The following AUTS2 variants were observed in gnomAD, a reference collection of about 807,000 sequenced individuals.
AUTS2 encodes the protein autism susceptibility gene 2 protein.
A neutral mutation model predicts 112.4 loss-of-function variants in AUTS2; 17 were observed. That is an observed-to-expected ratio of 0.15 (90% CI 0.10 to 0.23). The LOEUF is 0.23. Ranked by LOEUF, AUTS2 falls within the 10% of genes least tolerant of loss-of-function variation. AUTS2 has a pLI of 1.00. For synonymous variants in AUTS2, 751 were observed against 702.7 expected, an observed-to-expected ratio of 1.07 and a Z score of -1.09; for missense variants, 1,510 against 1,701.6, an observed-to-expected ratio of 0.89 and a Z score of 1.98.
chr7:70,117,137 GTT>G (rs541747935), intron 2 of AUTS2, among the ~76,000 whole-genome samples: 9 of 61,994 alleles, frequency 1.5e-4, no homozygotes, highest in African/African-American at 5.2e-4. Context: ...GTTTTTTTTT[GTT>G]TTTTTTTTTG....
intron 6 of AUTS2, among the ~76,000 whole-genome samples, chr7:70,718,437 C>T (rs1164065806): frequency 1.3e-5 from 2 of 152,222 alleles, no homozygotes; most frequent in South Asian, 2.1e-4. Flanking sequence ...CTGGGGCGGG[C>T]GGATCACTTG....
intron 4 of AUTS2, among the ~76,000 whole-genome samples, chr7:70,174,896 A>T (rs1371373281): frequency 6.6e-6 from 1 of 152,218 alleles, no homozygotes; most frequent in Admixed American, 6.5e-5. Context: ...TGTTGTTTTC[A>T]TGCCTGGTGA....
At chr7:69,922,300 G>A (rs528561642) in intron 2 of AUTS2, among the ~76,000 whole-genome samples, 6 of 152,250 alleles carry the variant, frequency 3.9e-5, no homozygotes, top group African/African-American at 1.4e-4. Context: ...GTTTATTGGG[G>A]CAATAAACTG....
intron 4 of AUTS2, among the ~76,000 whole-genome samples, chr7:70,302,372 T>A (rs12698892): frequency 0.19 from 29,449 of 151,804 alleles, 2,850 homozygotes; most frequent in Middle Eastern, 0.3. Flanking sequence ...GCCACTGCAC[T>A]TCTGCCTAGG....
At chr7:69,687,892 T>C (rs181707422) in intron 1 of AUTS2, among the ~76,000 whole-genome samples, 6 of 152,294 alleles carry the variant, frequency 3.9e-5, no homozygotes, top group Admixed American at 3.9e-4. Flanking sequence ...CTTTCTTCCC[T>C]CTCTGAAAAC....
intron 2 of AUTS2, among the ~76,000 whole-genome samples, chr7:70,013,768 A>G (rs1490534245): frequency 1.3e-5 from 2 of 152,134 alleles, no homozygotes; most frequent in African/African-American, 4.8e-5. Context: ...ACCAGGCTGG[A>G]GTGCAGTGGC....
At chr7:70,117,515 A>G (rs1195233139) in intron 2 of AUTS2, among the ~76,000 whole-genome samples, 1 of 152,102 alleles carries the variant, frequency 6.6e-6, no homozygotes, top group African/African-American at 2.4e-5. Context: ...TTGAAAAAAA[A>G]TTGCAGTGGA....
chr7:70,175,448 T>TGA (rs34123299), intron 4 of AUTS2, among the ~76,000 whole-genome samples: 50,241 of 151,952 alleles, frequency 0.33, 9,005 homozygotes, highest in African/African-American at 0.48. Flanking sequence ...TGGCGGTATT[T>TGA]GAGGATTGAC....
At chr7:70,725,862 G>A (rs1786995070) in intron 6 of AUTS2, among the ~76,000 whole-genome samples, 1 of 152,050 alleles carries the variant, frequency 6.6e-6, no homozygotes, top group Admixed American at 6.6e-5. Context: ...ATCACCTGAG[G>A]TCAGGAGTTT....
chr7:69,668,425 C>G (rs1011864232), intron 1 of AUTS2, among the ~76,000 whole-genome samples: 16 of 152,198 alleles, frequency 1.1e-4, no homozygotes, highest in Admixed American at 7.2e-4. Context: ...GCCACACCCT[C>G]TATCAAAACA....
intron 1 of AUTS2, among the ~76,000 whole-genome samples, chr7:69,691,418 C>T (rs1298423209): frequency 3.9e-5 from 6 of 152,080 alleles, no homozygotes; most frequent in Admixed American, 6.5e-5. Flanking sequence ...ACCCTCAGCA[C>T]CCACCCCCAT....
intron 1 of AUTS2, among the ~76,000 whole-genome samples, chr7:69,747,784 GGTGTGTGT>G (rs10695531): frequency 2.6e-4 from 38 of 144,604 alleles, no homozygotes; most frequent in African/African-American, 7.2e-4. Flanking sequence ...GAAGGAGAGG[GGTGTGTGT>G]GTGTGTGTGT....
chr7:69,939,743 A>C lies in AUTS2; in HGVS notation c.522+40245A>C, dbSNP rs545475904. Among the ~76,000 whole-genome samples, 4 of 152,328 alleles carry C rather than the reference A, an allele frequency of 2.6e-5. No homozygotes were observed. In the South Asian group the frequency reaches 8.3e-4, roughly 32 times the overall value. ...AAGGTACTGTGTCTTCTCTGGGTGC[A>C]TCCTCCTTATCTATGTAGAGCAGAG... On this transcript the variant is annotated intron_variant, in intron 2 of 18. Transcript: ENST00000342771.
At chr7:70,649,774 C>T (rs1310715594) in intron 5 of AUTS2, among the ~76,000 whole-genome samples, 3 of 152,012 alleles carry the variant, frequency 2.0e-5, no homozygotes, top group Non-Finnish European at 4.4e-5. Context: ...GTGATTCACC[C>T]GCCTCGGTGT....
chr7:70,530,636 A>C (rs1201102172), intron 5 of AUTS2, among the ~76,000 whole-genome samples: 9 of 152,114 alleles, frequency 5.9e-5, no homozygotes, highest in Non-Finnish European at 8.8e-5. Context: ...CCCAGCCCCC[A>C]GCCTGACCGT....
At chr7:69,852,347 A>G (rs890401259) in intron 1 of AUTS2, among the ~76,000 whole-genome samples, 4 of 151,914 alleles carry the variant, frequency 2.6e-5, no homozygotes, top group Non-Finnish European at 4.4e-5. Context: ...TGTTTATAAG[A>G]GGTAGTATGT....
chr7:70,285,046 G>A (rs570710800), intron 4 of AUTS2, among the ~76,000 whole-genome samples: 6 of 151,964 alleles, frequency 3.9e-5, no homozygotes, highest in East Asian at 1.9e-4. Flanking sequence ...ACAAATAACC[G>A]GATACTGTAA....
intron 1 of AUTS2, among the ~76,000 whole-genome samples, chr7:69,634,125 AT>A (rs1349228605): frequency 6.7e-5 from 10 of 149,482 alleles, no homozygotes; most frequent in Middle Eastern, 3.5e-3. Context: ...CTTGATTATT[AT>A]TTTTTTTTTT....
At chr7:69,630,104 A>G (rs1241009990) in intron 1 of AUTS2, among the ~76,000 whole-genome samples, 3 of 152,090 alleles carry the variant, frequency 2.0e-5, no homozygotes, top group Non-Finnish European at 4.4e-5. Flanking sequence ...CTAAAATACA[A>G]AAATTAGCCA....
Sources: allele counts gnomAD v4.1 joint callset (sites outside exome capture counted in the v4.1 genomes callset), GRCh38; gene constraint gnomAD v4.1.1; transcripts MANE v1.5; gene names NCBI Gene and HGNC (gene_info 2026-07-23, HGNC 2026-07-21).